Variants in PCCA observed in about 807,000 individuals in gnomAD.
PCCA encodes propionyl-CoA carboxylase subunit alpha.
A neutral mutation model predicts 101.3 loss-of-function variants in PCCA; 74 were observed. That is an observed-to-expected ratio of 0.73 (90% CI 0.61 to 0.89). The LOEUF (loss-of-function observed/expected upper bound fraction) is 0.89, where lower values mean the gene tolerates loss of function less well. Among genes scored for constraint, PCCA ranks in the 40% least tolerant of loss-of-function variants. PCCA has a pLI of 0.00. For synonymous variants in PCCA, 294 were observed against 313.6 expected, an observed-to-expected ratio of 0.94 and a Z score of 0.66; for missense variants, 891 against 907.0, an observed-to-expected ratio of 0.98 and a Z score of 0.23.
intron 4 of PCCA, among the ~76,000 whole-genome samples, chr13:100,141,382 A>G (rs1566563196): frequency 6.6e-6 from 1 of 151,868 alleles, no homozygotes; most frequent in Non-Finnish European, 1.5e-5. Context: ...CCATTTGTAC[A>G]TGTTATTTTT....
At chr13:100,328,560 G>A (rs1392906177) in intron 16 of PCCA, among the ~76,000 whole-genome samples, 1 of 151,344 alleles carries the variant, frequency 6.6e-6, no homozygotes, top group Admixed American at 6.6e-5. Context: ...TATGTACTAA[G>A]AATCCGTTGC....
At chr13:100,218,740 C>A (rs2059656569) in intron 7 of PCCA, among the ~76,000 whole-genome samples, 1 of 152,316 alleles carries the variant, frequency 6.6e-6, no homozygotes, top group South Asian at 2.1e-4. Flanking sequence ...GATGGGATGT[C>A]ACTGCATTCA....
At chr13:100,240,310 C>A (rs1478627980) in intron 8 of PCCA, among the ~76,000 whole-genome samples, 1 of 151,992 alleles carries the variant, frequency 6.6e-6, no homozygotes, top group African/African-American at 2.4e-5. Context: ...TTCTCTGCCT[C>A]CCATACTTCA....
chr13:100,133,296 G>T (rs553860155), intron 4 of PCCA, among the ~76,000 whole-genome samples: 1 of 152,296 alleles, frequency 6.6e-6, no homozygotes, highest in East Asian at 1.9e-4. Flanking sequence ...CCGAATACAG[G>T]TCCTTTGTTG....
At chr13:100,333,103 G>A (rs1364241748) in intron 17 of PCCA, among the ~76,000 whole-genome samples, 1 of 152,128 alleles carries the variant, frequency 6.6e-6, no homozygotes, top group Non-Finnish European at 1.5e-5. Context: ...CATTCTTAAT[G>A]TCTCCCTCTT....
chr13:100,353,614 A>C (rs374844078), intron 18 of PCCA, among the ~76,000 whole-genome samples: 82 of 152,322 alleles, frequency 5.4e-4, no homozygotes, highest in Middle Eastern at 3.4e-3. Flanking sequence ...TGGGCTGCAC[A>C]TAAGCAGTGC....
At chr13:100,128,455 G>T (rs150847633) in intron 4 of PCCA, among the ~76,000 whole-genome samples, 1,951 of 152,256 alleles carry the variant, frequency 0.013, 129 homozygotes, top group Admixed American at 0.11. Context: ...ATTACAAATT[G>T]TGATAAGTGT....
intron 19 of PCCA, among the ~76,000 whole-genome samples, chr13:100,369,618 C>T (rs2152813472): frequency 6.6e-6 from 1 of 152,252 alleles, no homozygotes; most frequent in East Asian, 1.9e-4. Context: ...TAAGGGTAGT[C>T]TCCTTGGTTT....
At chr13:100,365,662 T>C (rs920964750) in intron 18 of PCCA, among the ~76,000 whole-genome samples, 5 of 152,158 alleles carry the variant, frequency 3.3e-5, no homozygotes, top group African/African-American at 9.7e-5. Flanking sequence ...AGCAGAGAGA[T>C]GAGATGAGAA....
At chr13:100,436,689 C>G (rs1013280840) in intron 20 of PCCA, among the ~76,000 whole-genome samples, 1 of 152,174 alleles carries the variant, frequency 6.6e-6, no homozygotes, top group Non-Finnish European at 1.5e-5. Flanking sequence ...TCTAAATCAC[C>G]TGTTTCCTTT....
chr13:100,349,654 C>G (rs1338077869), intron 18 of PCCA, among the ~76,000 whole-genome samples: 1 of 152,176 alleles, frequency 6.6e-6, no homozygotes, highest in African/African-American at 2.4e-5. Flanking sequence ...TCACTATGGC[C>G]TATAATATTA....
chr13:100,410,101 A>G (rs970561698), intron 19 of PCCA, among the ~76,000 whole-genome samples: 1 of 152,106 alleles, frequency 6.6e-6, no homozygotes, highest in Non-Finnish European at 1.5e-5. Context: ...ACCCGTTTCT[A>G]TGGCCAAATT....
At chr13:100,260,398 T>TG (rs59230228) in intron 9 of PCCA, among the ~76,000 whole-genome samples, 119,912 of 131,522 alleles carry the variant, frequency 0.91, 55,540 homozygotes, top group South Asian at 0.99. Flanking sequence ...TGTGTGTGTG[T>TG]TTTTTTTTTT....
At chr13:100,240,811 C>T (rs1199135371) in intron 8 of PCCA, among the ~76,000 whole-genome samples, 2 of 152,062 alleles carry the variant, frequency 1.3e-5, no homozygotes, top group Non-Finnish European at 2.9e-5. Context: ...CCATTAAATA[C>T]TTCAACATGT....
At chr13:100,156,058 T>C (rs2053851772) in intron 5 of PCCA, among the ~76,000 whole-genome samples, 6 of 152,164 alleles carry the variant, frequency 3.9e-5, no homozygotes. Context: ...TAAAGCTTAG[T>C]TCAGCTTTTT....
chr13:100,446,451 G>C (rs567032911), intron 20 of PCCA, among the ~76,000 whole-genome samples: 5 of 152,098 alleles, frequency 3.3e-5, no homozygotes, highest in Non-Finnish European at 5.9e-5. Context: ...TGTACATTTT[G>C]TACTATGCAT....
At chr13:100,431,197 A>T (rs553187847) in intron 20 of PCCA, among the ~76,000 whole-genome samples, 90 of 152,340 alleles carry the variant, frequency 5.9e-4, no homozygotes, top group African/African-American at 1.9e-3. Context: ...GATTAGTATG[A>T]CAATGAACAT....
At chr13:100,231,958 T>C (rs1268586984) in intron 7 of PCCA, among the ~76,000 whole-genome samples, 3 of 152,202 alleles carry the variant, frequency 2.0e-5, no homozygotes, top group Non-Finnish European at 4.4e-5. Flanking sequence ...TATTTCTGTC[T>C]TAATGTAGGT....
Position 100,257,660 on chromosome 13 carries a change from G to C in PCCA, c.703G>C (p.Asp235His), listed in dbSNP as rs1026000434. 3 of 1,612,978 alleles carry C rather than the reference G, an allele frequency of 1.9e-6. No individual in the cohort carries two copies. The highest frequency in any genetic ancestry group is 2.5e-6 in the Non-Finnish European group (3 of 1,179,078). ...GGKGMRIAWD[D>H]EETRDGFRLS... ...GAAAGGCATGCGCATTGCTTGGGAT[G>C]ATGAAGAGACCAGGTGAGAGGCTGT... is the stretch of plus-strand genomic sequence containing the variant. Residue 235 changes from aspartate to histidine, a missense_variant, in exon 9 of 24, where the codon GAT (aspartate) becomes CAT (histidine). By Grantham distance (81) the Asp-to-His change is moderately conservative. Coordinates refer to ENST00000376285, the MANE Select transcript of PCCA (RefSeq NM_000282.4).
Sources: allele counts gnomAD v4.1 joint callset (sites outside exome capture counted in the v4.1 genomes callset), GRCh38; gene constraint gnomAD v4.1.1; transcripts MANE v1.5; gene names NCBI Gene and HGNC (gene_info 2026-07-23, HGNC 2026-07-21).